Variants in ARHGAP22 observed in about 807,000 individuals in gnomAD.
ARHGAP22 encodes Rho GTPase activating protein 22, also known as rho GTPase-activating protein 22.
ARHGAP22 carries 48 observed loss-of-function variants against 59.1 expected under a neutral mutation model. The observed-to-expected ratio is 0.81, with a 90% CI of 0.64 to 1.03. The LOEUF (loss-of-function observed/expected upper bound fraction) is 1.03, where lower values mean the gene tolerates loss of function less well. Among genes scored for constraint, ARHGAP22 ranks in the 50% least tolerant of loss-of-function variants. ARHGAP22 has a pLI of 0.00. For missense variants in ARHGAP22, 1,015 were observed against 958.7 expected (o/e 1.06, Z -0.78); for synonymous variants, 445 against 416.4 (o/e 1.07, Z -0.84).
intron 2 of ARHGAP22, among the ~76,000 whole-genome samples, chr10:48,563,281 C>T (rs981141641): frequency 2.0e-5 from 3 of 146,440 alleles, no homozygotes; most frequent in Non-Finnish European, 4.5e-5. Context: ...ACAAGCTCCG[C>T]CTCCTGGGTT....
intron 3 of ARHGAP22, chr10:48,510,645 T>C (rs1589842786): frequency 6.6e-6 from 1 of 152,288 alleles, no homozygotes; most frequent in East Asian, 1.9e-4. Flanking sequence ...GGGATAGCAC[T>C]GCTCTGTGAG....
At chr10:48,490,306 C>T (rs2050262125) in intron 3 of ARHGAP22, among the ~76,000 whole-genome samples, 1 of 152,134 alleles carries the variant, frequency 6.6e-6, no homozygotes, top group Admixed American at 6.5e-5. Flanking sequence ...GCACTACTGA[C>T]ATGTTGGGTG....
upstream of ARHGAP22, among the ~76,000 whole-genome samples, chr10:48,608,011 G>A (rs184794899): frequency 1.4e-3 from 207 of 152,348 alleles, 1 homozygote; most frequent in Non-Finnish European, 2.3e-3. Context: ...AGGGAGCTCT[G>A]ACAGTGAATT....
chr10:48,442,608 A>G (rs535687549), downstream of ARHGAP22, among the ~76,000 whole-genome samples: 1 of 149,096 alleles, frequency 6.7e-6, no homozygotes, highest in South Asian at 2.1e-4. Flanking sequence ...GAGGCTCCCC[A>G]TCCCCATGGC....
chr10:48,514,618 G>A (rs2053112283), intron 3 of ARHGAP22, among the ~76,000 whole-genome samples: 1 of 151,962 alleles, frequency 6.6e-6, no homozygotes, highest in Non-Finnish European at 1.5e-5. Flanking sequence ...AAAAATAAAA[G>A]GACATTAGAT....
intron 2 of ARHGAP22, among the ~76,000 whole-genome samples, chr10:48,575,842 C>A (rs142041874): frequency 6.6e-6 from 1 of 152,308 alleles, no homozygotes; most frequent in Non-Finnish European, 1.5e-5. Flanking sequence ...AGCCCTTGTT[C>A]CAGCATGGTG....
At chr10:48,488,469 G>A (rs1461104503) in intron 3 of ARHGAP22, among the ~76,000 whole-genome samples, 2 of 152,140 alleles carry the variant, frequency 1.3e-5, no homozygotes, top group Admixed American at 1.3e-4. Context: ...GGTGATGAAT[G>A]TTTCTGTATT....
chr10:48,578,328 C>T (rs1336270250), intron 2 of ARHGAP22, among the ~76,000 whole-genome samples: 1 of 152,146 alleles, frequency 6.6e-6, no homozygotes, highest in Admixed American at 6.5e-5. Context: ...ATCTGTTTTC[C>T]TGCATCCAGA....
chr10:48,551,523 C>A (rs999777666), intron 3 of ARHGAP22, among the ~76,000 whole-genome samples: 2 of 152,204 alleles, frequency 1.3e-5, no homozygotes, highest in Non-Finnish European at 2.9e-5. Context: ...GACACAAATG[C>A]CAGTCACCCT....
chr10:48,611,436 G>A (rs2135969728), intron 1 of ARHGAP22, among the ~76,000 whole-genome samples: 1 of 152,276 alleles, frequency 6.6e-6, no homozygotes, highest in African/African-American at 2.4e-5. Context: ...GGAGGTCGCT[G>A]CATCAGCTGC....
intron 9 of ARHGAP22, among the ~76,000 whole-genome samples, chr10:48,449,402 G>A (rs948099914): frequency 1.3e-5 from 2 of 152,138 alleles, no homozygotes; most frequent in Non-Finnish European, 2.9e-5. Context: ...ATCACCCAGG[G>A]AACAGCTGTC....
At position 48,454,617 on chromosome 10, in the gene ARHGAP22, G is replaced by T. The variant is rs1383902322; in HGVS notation, c.792+385C>A. 2.6e-5 allele frequency among the ~76,000 whole-genome samples: 4 copies of T among 152,228 alleles called. No homozygotes were observed. In the East Asian group the frequency reaches 7.7e-4, roughly 29 times the overall value. Reference sequence around the variant, plus strand: ...CAGCTCAAATTCTTTTGGGAAGGAAGCAAGATATAAATAAAAGATGTCCTG... The same window carrying T: ...CAGCTCAAATTCTTTTGGGAAGGAATCAAGATATAAATAAAAGATGTCCTG... On this transcript the variant is annotated intron_variant, in intron 6 of 9. Transcript: ENST00000249601.
intron 1 of ARHGAP22, among the ~76,000 whole-genome samples, chr10:48,595,112 C>T (rs2059988874): frequency 6.6e-6 from 1 of 152,166 alleles, no homozygotes. Flanking sequence ...CTGCCGTGGG[C>T]CAGGGATGTT....
At chr10:48,511,917 G>C (rs767497992) in intron 3 of ARHGAP22, among the ~76,000 whole-genome samples, 1 of 152,228 alleles carries the variant, frequency 6.6e-6, no homozygotes, top group Non-Finnish European at 1.5e-5. Context: ...AAGAACAGCA[G>C]TCCCTGGCCA....
intron 2 of ARHGAP22, among the ~76,000 whole-genome samples, chr10:48,559,278 T>C (rs1240445488): frequency 1.3e-5 from 2 of 152,126 alleles, no homozygotes; most frequent in African/African-American, 2.4e-5. Flanking sequence ...AGGCACATGA[T>C]AGATTTCCAC....
Position 48,450,799 on chromosome 10 carries a change from C to A in ARHGAP22, c.1330G>T (p.Gly444Trp), listed in dbSNP as rs34940331. The A allele has an allele frequency of 5.0e-5, 79 of 1,574,764 alleles. No homozygotes were observed. The highest frequency in any genetic ancestry group is 2.6e-4 in the South Asian group (22 of 84,492). ...QPRSLSGSPK[G>W]GGSSLEVPII... ...GGCACCTCCAGGGATGAGCCGCCCC[C>A]CTTCGGGCTTCCCGATAGGGACCTC... Residue 444 changes from glycine to tryptophan, a missense_variant, in exon 9 of 10, where the codon GGG becomes TGG. By Grantham distance (184) the Gly-to-Trp change is radical. Transcript: ENST00000249601.
intron 2 of ARHGAP22, 190 bp downstream of exon 2, chr10:48,582,763 G>C: frequency 1.6e-6 from 1 of 633,944 alleles, no homozygotes. Flanking sequence ...TTGTGGACAT[G>C]TTCCAGTAAA....
rs112134121 is a variant in ARHGAP22, at chr10:48,615,773, G to A, written c.53-32621C>T. 5.7e-3 allele frequency among the ~76,000 whole-genome samples: 864 copies of A among 152,236 alleles called. 6 individuals carry two copies. Among genetic ancestry groups the A allele is most frequent in the African/African-American group, 0.019 (805 of 41,542 alleles). On this transcript the variant is annotated intron_variant, in intron 1 of 9. Coordinates refer to the ARHGAP22 transcript ENST00000435790. ...AATTGGGAGAATGATGTATCATCAA[G>A]TACTGAACTTCGATACAGAGAAATT...
At chr10:48,588,915 C>T (rs2059591470) in intron 1 of ARHGAP22, among the ~76,000 whole-genome samples, 1 of 152,152 alleles carries the variant, frequency 6.6e-6, no homozygotes, top group Non-Finnish European at 1.5e-5. Flanking sequence ...AGGGAGGCCC[C>T]AGGCCAGGCC....
Sources: allele counts gnomAD v4.1 joint callset (sites outside exome capture counted in the v4.1 genomes callset), GRCh38; gene constraint gnomAD v4.1.1; transcripts MANE v1.5; gene names NCBI Gene and HGNC (gene_info 2026-07-23, HGNC 2026-07-21).